The following FKTN variants were observed in gnomAD, a reference collection of about 807,000 sequenced individuals.
The protein encoded by FKTN is ribitol-5-phosphate transferase FKTN.
FKTN carries 47 observed loss-of-function variants against 58.6 expected under a neutral mutation model. That is an observed-to-expected ratio of 0.80 (90% CI 0.63 to 1.02). FKTN has a LOEUF of 1.02. FKTN is among the 50% of genes least tolerant of loss of function. The pLI is 0.00. For synonymous variants in FKTN, 178 were observed against 191.9 expected (o/e 0.93, Z 0.60); for missense variants, 516 against 537.3 (o/e 0.96, Z 0.39).
rs1000580035 is a variant in FKTN at position 105,637,891 on chromosome 9, T to C, written c.*2627T>C. The C allele has an allele frequency of 1.3e-5, 13 of 985,358 alleles. No individual in the cohort carries two copies. Among genetic ancestry groups the C allele is most frequent in the South Asian group, 4.7e-5 (1 of 21,284 alleles). 61.0% of individuals were successfully genotyped at this position (985,358 alleles called of 1,614,324 possible). A position where few individuals can be genotyped will look rare whatever the true frequency, so the allele number is the denominator to read the frequency against. On this transcript the variant is annotated 3_prime_UTR_variant, in exon 11 of 11. Coordinates refer to ENST00000357998, the MANE Select transcript of FKTN (RefSeq NM_001079802.2). ...GGAATAAAACCATAGTTCCTAAAAT[T>C]GAGCATCCCTAAGAGTAGCTGCTTG...
At chr9:105,599,873 G>T (rs1030736173) in intron 4 of FKTN, among the ~76,000 whole-genome samples, 1 of 151,916 alleles carries the variant, frequency 6.6e-6, no homozygotes, top group Non-Finnish European at 1.5e-5. Context: ...GAAAGTTTTT[G>T]TAGAATTGGT....
At chr9:105,625,883 T>G (rs1832679537) in intron 10 of FKTN, among the ~76,000 whole-genome samples, 1 of 152,150 alleles carries the variant, frequency 6.6e-6, no homozygotes, top group Admixed American at 6.6e-5. Context: ...CATATCATTT[T>G]CCCTCACGAT....
intron 1 of FKTN, among the ~76,000 whole-genome samples, chr9:105,571,145 G>A (rs1165329778): frequency 1.3e-5 from 2 of 152,204 alleles, no homozygotes; most frequent in African/African-American, 2.4e-5. Context: ...ATCTGTCAGT[G>A]TATAGGTAAG....
chr9:105,585,817 T>C (rs1207551567), intron 3 of FKTN, among the ~76,000 whole-genome samples: 1 of 152,136 alleles, frequency 6.6e-6, no homozygotes, highest in Non-Finnish European at 1.5e-5. Flanking sequence ...AGCCAAAGAG[T>C]ATGGAATCAT....
intron 9 of FKTN, among the ~76,000 whole-genome samples, chr9:105,619,153 A>G (rs1437284064): frequency 6.6e-6 from 1 of 152,158 alleles, no homozygotes; most frequent in East Asian, 1.9e-4. Flanking sequence ...AAAATATTTT[A>G]CTGAGGTCAA....
At chr9:105,565,192 A>C (rs1016511417) in intron 1 of FKTN, among the ~76,000 whole-genome samples, 2 of 152,166 alleles carry the variant, frequency 1.3e-5, no homozygotes, top group African/African-American at 4.8e-5. Flanking sequence ...CTCTGCAAAA[A>C]CATGCCAGAT....
intron 1 of FKTN, among the ~76,000 whole-genome samples, chr9:105,573,003 G>A (rs769241805): frequency 2.0e-5 from 3 of 152,184 alleles, no homozygotes; most frequent in Non-Finnish European, 2.9e-5. Context: ...GGGAGGCTGA[G>A]GCAGGTGGGT....
chr9:105,629,558 G>A (rs950196351), intron 10 of FKTN, among the ~76,000 whole-genome samples: 2 of 152,186 alleles, frequency 1.3e-5, no homozygotes, highest in African/African-American at 2.4e-5. Flanking sequence ...AGTGCTATTA[G>A]ATCTAGTTCT....
At chr9:105,600,415 T>A (rs552393272) in intron 4 of FKTN, among the ~76,000 whole-genome samples, 1 of 152,316 alleles carries the variant, frequency 6.6e-6, no homozygotes, top group Non-Finnish European at 1.5e-5. Context: ...CAATAGTGTA[T>A]GCCAGATATT....
intron 10 of FKTN, among the ~76,000 whole-genome samples, chr9:105,623,771 T>C (rs1414852695): frequency 6.6e-6 from 1 of 152,196 alleles, no homozygotes; most frequent in Non-Finnish European, 1.5e-5. Flanking sequence ...CCATGAGACA[T>C]GTTAAAGTAC....
chr9:105,587,590 T>C (rs554123356), intron 3 of FKTN, among the ~76,000 whole-genome samples: 3 of 152,306 alleles, frequency 2.0e-5, no homozygotes, highest in Admixed American at 6.5e-5. Context: ...TTTGATAGCT[T>C]GATCCAATGT....
At position 105,574,540 on chromosome 9, in the gene FKTN, C is replaced by G. The variant is rs541588309; in HGVS notation, c.-88-405C>G. ...AAAGAGCTGTCTTACAGGCCATGTT[C>G]CTTGACTAAAAACGGTCTCAGTTTC... On this transcript the variant is annotated intron_variant, in intron 2 of 10. Transcript: ENST00000357998. 7.9e-5 allele frequency among the ~76,000 whole-genome samples: 12 copies of G among 151,776 alleles called. No homozygotes were observed. In the East Asian group the frequency reaches 2.3e-3, roughly 29 times the overall value.
Position 105,639,100 on chromosome 9 carries a change from T to G in FKTN, c.*3836T>G. ...ATGTTATAAATCCTTAGGAGAAATA[T>G]TCCCTCAAAACCTAGTCAAGAAAGT... On this transcript the variant is annotated 3_prime_UTR_variant, in exon 11 of 11. Coordinates refer to ENST00000357998, the MANE Select transcript of FKTN (RefSeq NM_001079802.2). The G allele has an allele frequency of 1.0e-6, 1 of 985,058 alleles. No homozygotes were observed. Among genetic ancestry groups the G allele is most frequent in the Non-Finnish European group, 1.2e-6 (1 of 829,578 alleles). 61.0% of individuals were successfully genotyped at this position (985,058 alleles called of 1,614,324 possible).
intron 2 of FKTN, 153 bp from the exon 3 acceptor site, chr9:105,574,792 G>A: frequency 2.5e-6 from 1 of 400,460 alleles, no homozygotes. Context: ...TTTCATCATT[G>A]GTCTCATATT....
chr9:105,627,005 A>G (rs1366576420), intron 10 of FKTN, among the ~76,000 whole-genome samples: 3 of 139,026 alleles, frequency 2.2e-5, no homozygotes. Context: ...TTTGAGACAG[A>G]GTTGTCACCC....
In FKTN at chr9:105,627,470, A is replaced by G. The variant is rs1216233708; in HGVS notation, c.1172+7409A>G. On this transcript the variant is annotated intron_variant, in intron 10 of 10. Transcript: ENST00000357998. ...AATATGAAGTAAAGATCAAATTTAGACTCTATACTTTATTTGGATTCACTA... is the reference window on the plus strand; with the variant it reads ...AATATGAAGTAAAGATCAAATTTAGGCTCTATACTTTATTTGGATTCACTA... 2.6e-5 allele frequency among the ~76,000 whole-genome samples: 4 copies of G among 151,828 alleles called. No homozygotes were observed. In the South Asian group the frequency reaches 8.3e-4, roughly 32 times the overall value.
chr9:105,609,824 C>G (rs1311427190), intron 7 of FKTN, among the ~76,000 whole-genome samples: 2 of 152,108 alleles, frequency 1.3e-5, no homozygotes. Flanking sequence ...ACATTGTTCA[C>G]CTGATTAAAG....
At chr9:105,603,913 C>T in intron 5 of FKTN, 1 of 371,844 alleles carries the variant, frequency 2.7e-6, no homozygotes, top group South Asian at 2.5e-5. Context: ...AGTGATCCAC[C>T]TGCCTCAGCC....
rs886333693 is a variant in FKTN, at chr9:105,640,120, A to C, written c.*4856A>C. On this transcript the variant is annotated 3_prime_UTR_variant, in exon 11 of 11. Coordinates refer to ENST00000357998, the MANE Select transcript of FKTN (RefSeq NM_001079802.2). Reference sequence around the variant, plus strand: ...AACTAGGCAAGAATCAGCAGGGTGCATGATGCCATTTTAAGCTGCTTCACA... The same window carrying C: ...AACTAGGCAAGAATCAGCAGGGTGCCTGATGCCATTTTAAGCTGCTTCACA... The C allele has an allele frequency of 2.0e-6, 3 of 1,535,328 alleles. No individual in the cohort carries two copies. The African/African-American group carries it at 4.1e-5, about 21-fold the overall frequency.
Sources: gnomAD v4.1 joint callset for allele counts (sites outside exome capture counted in the v4.1 genomes callset) on GRCh38, gnomAD v4.1.1 for gene constraint, MANE v1.5 for transcripts, NCBI Gene and HGNC (gene_info 2026-07-23, HGNC 2026-07-21) for gene names.